The following HMBOX1 variants were observed in gnomAD, a reference collection of about 807,000 sequenced individuals.
HMBOX1 encodes the protein homeobox-containing protein 1.
HMBOX1 carries 14 observed loss-of-function variants against 54.5 expected under a neutral mutation model. The ratio of observed to expected loss-of-function variants is 0.26; its 90% CI spans 0.17 to 0.40. HMBOX1 has a LOEUF of 0.40. Ranked by LOEUF, HMBOX1 falls within the 10% of genes least tolerant of loss-of-function variation. HMBOX1 has a pLI of 1.00. For synonymous variants in HMBOX1, 160 were observed against 181.0 expected (o/e 0.88, Z 0.93); for missense variants, 332 against 514.4 (o/e 0.65, Z 3.43).
At chr8:28,934,603 T>C (rs1482089084) in intron 1 of HMBOX1, among the ~76,000 whole-genome samples, 9 of 152,128 alleles carry the variant, frequency 5.9e-5, no homozygotes, top group Admixed American at 5.9e-4. Flanking sequence ...TTAAGTTAGT[T>C]TAGTAAAGTC....
chr8:28,899,701 G>A (rs1449106736), intron 1 of HMBOX1, among the ~76,000 whole-genome samples: 2 of 152,132 alleles, frequency 1.3e-5, no homozygotes, highest in African/African-American at 2.4e-5. Context: ...TGTCAGTATT[G>A]GAGTTTATAT....
intron 6 of HMBOX1, among the ~76,000 whole-genome samples, chr8:29,028,144 T>C (rs1487969): frequency 0.36 from 54,389 of 152,022 alleles, 9,942 homozygotes; most frequent in South Asian, 0.44. Context: ...AATTTTAGCT[T>C]GAGAGTATCT....
chr8:28,925,093 C>G (rs973353004), intron 1 of HMBOX1, among the ~76,000 whole-genome samples: 1 of 151,218 alleles, frequency 6.6e-6, no homozygotes, highest in African/African-American at 2.4e-5. Context: ...CAGTCATAAC[C>G]TAAGAATGAT....
At chr8:29,044,017 G>A (rs1210023071) in intron 6 of HMBOX1, among the ~76,000 whole-genome samples, 1 of 152,110 alleles carries the variant, frequency 6.6e-6, no homozygotes, top group East Asian at 1.9e-4. Context: ...GAAAAAGGTG[G>A]TTAGGTGGGG....
chr8:28,911,230 C>T (rs537676222), intron 1 of HMBOX1, among the ~76,000 whole-genome samples: 2 of 152,214 alleles, frequency 1.3e-5, no homozygotes, highest in Admixed American at 1.3e-4. Context: ...TGCAGCCAGG[C>T]TTGTACAATG....
At chr8:29,024,107 A>C (rs1005684173) in intron 6 of HMBOX1, among the ~76,000 whole-genome samples, 1 of 152,202 alleles carries the variant, frequency 6.6e-6, no homozygotes, top group East Asian at 1.9e-4. Flanking sequence ...CTCATCAACA[A>C]TTTGGTTACC....
chr8:28,894,944 A>G (rs1811806374), intron 1 of HMBOX1, among the ~76,000 whole-genome samples: 5 of 133,498 alleles, frequency 3.7e-5, no homozygotes, highest in Admixed American at 3.5e-4. Context: ...AACATTTGCA[A>G]AAAAAAAAAA....
intron 1 of HMBOX1, among the ~76,000 whole-genome samples, chr8:28,940,324 T>A (rs1217602348): frequency 1.3e-5 from 2 of 152,188 alleles, no homozygotes; most frequent in African/African-American, 4.8e-5. Flanking sequence ...AGATTTTTTT[T>A]AAAAGACTAG....
chr8:29,009,321 T>A, intron 5 of HMBOX1, 139 bp downstream of exon 5: 1 of 1,046,052 alleles, frequency 9.6e-7, no homozygotes, highest in Non-Finnish European at 1.3e-6. Context: ...AAAAGACTCT[T>A]AACAGTAAAA....
intron 1 of HMBOX1, among the ~76,000 whole-genome samples, chr8:28,912,350 C>T (rs1052479269): frequency 4.6e-5 from 7 of 152,092 alleles, no homozygotes; most frequent in Admixed American, 2.6e-4. Flanking sequence ...TGAAGAATCT[C>T]GAGTGTTTCC....
rs566735752 is a variant in HMBOX1, at chr8:28,906,239, A to G, written c.-58+15561A>G. Among the ~76,000 whole-genome samples the G allele has an allele frequency of 2.0e-5, 3 of 152,264 alleles. No homozygotes were observed. The East Asian group carries it at 5.8e-4, about 29-fold the overall frequency. The stretch of plus-strand genomic sequence containing the variant: ...TACTATTTCTGTAGTTTTTGGGGAA[A>G]ATGTTAGCCCTTCTTTCCTGCACTT... On this transcript the variant is annotated intron_variant, in intron 1 of 9. Coordinates refer to ENST00000287701, the MANE Select transcript of HMBOX1 (RefSeq NM_001135726.3).
chr8:28,943,028 G>A (rs905703166), intron 1 of HMBOX1, among the ~76,000 whole-genome samples: 4 of 152,028 alleles, frequency 2.6e-5, no homozygotes, highest in Non-Finnish European at 5.9e-5. Context: ...TTTGTGAACC[G>A]CTTCTTCACC....
intron 9 of HMBOX1, chr8:29,050,092 C>T (rs1806215005): frequency 8.7e-6 from 2 of 230,716 alleles, no homozygotes; most frequent in Non-Finnish European, 1.4e-5. Context: ...TCTTTCTGTT[C>T]GGAAACATTC....
At chr8:28,986,378 G>A (rs574579113) in intron 4 of HMBOX1, among the ~76,000 whole-genome samples, 1 of 152,218 alleles carries the variant, frequency 6.6e-6, no homozygotes, top group Admixed American at 6.5e-5. Context: ...TAAACAAGTG[G>A]AATTTCTATC....
intron 4 of HMBOX1, among the ~76,000 whole-genome samples, chr8:28,986,178 T>A (rs1307989860): frequency 6.6e-6 from 1 of 152,202 alleles, no homozygotes; most frequent in Admixed American, 6.5e-5. Context: ...AGTGTGGAGC[T>A]TCAGATTGGC....
chr8:29,002,107 C>T (rs1832754385), intron 4 of HMBOX1, among the ~76,000 whole-genome samples: 1 of 152,106 alleles, frequency 6.6e-6, no homozygotes, highest in Non-Finnish European at 1.5e-5. Context: ...TGTTTTGGTT[C>T]AGGGGGGTCT....
intron 5 of HMBOX1, chr8:29,009,499 A>G (rs1051041232): frequency 3.1e-5 from 29 of 938,130 alleles, no homozygotes; most frequent in Admixed American, 6.4e-5. Flanking sequence ...CTTCAACTAC[A>G]TAACTACGTA....
At position 29,052,664 on chromosome 8, in the gene HMBOX1, G is replaced by A. The variant is rs1806548650; in HGVS notation, c.*1509G>A. The A allele has an allele frequency of 6.6e-6, 1 of 151,976 alleles. No individual in the cohort carries two copies. Among genetic ancestry groups the A allele is most frequent in the Admixed American group, 6.5e-5 (1 of 15,280 alleles). 9.4% of individuals were successfully genotyped at this position (151,976 alleles called of 1,614,324 possible). The stretch of plus-strand genomic sequence containing the variant: ...TGCATCAAAGAAAATTACATCTGCT[G>A]GCCTTGTATGAAAATGATCTCTTGG... On this transcript the variant is annotated 3_prime_UTR_variant, in exon 10 of 10. Transcript: ENST00000287701.
At chr8:28,988,761 A>AT (rs1209429152) in intron 4 of HMBOX1, among the ~76,000 whole-genome samples, 1 of 150,772 alleles carries the variant, frequency 6.6e-6, no homozygotes, top group African/African-American at 2.4e-5. Flanking sequence ...TCTTTTGTCT[A>AT]TTTTTTTTAA....
Sources: allele counts gnomAD v4.1 joint callset (sites outside exome capture counted in the v4.1 genomes callset), GRCh38; gene constraint gnomAD v4.1.1; transcripts MANE v1.5; gene names NCBI Gene and HGNC (gene_info 2026-07-23, HGNC 2026-07-21).